F2: variants seen among roughly 807,000 people sequenced by gnomAD.
F2 encodes coagulation factor II, thrombin.
In F2, 34 loss-of-function variants were observed where a neutral mutation model predicts 81.9. The observed-to-expected ratio is 0.42, with a 90% CI of 0.32 to 0.55. The LOEUF is 0.55. Among genes scored for constraint, F2 ranks in the 20% least tolerant of loss-of-function variants. F2 has a pLI of 0.18. For synonymous variants in F2, 296 were observed against 326.4 expected (o/e 0.91, Z 1.01); for missense variants, 630 against 833.4 (o/e 0.76, Z 3.00).
chr11:46,720,556 C>G lies in F2; in HGVS notation c.265+9C>G. On this transcript the variant is annotated intron_variant, in intron 3 of 13. Coordinates refer to ENST00000311907, the MANE Select transcript of F2 (RefSeq NM_000506.5). ...CTGGGCCAAGTACACAGGTGAGCAC[C>G]GGGAAGGATTTGCCCCAGGAAGGGA... 6.2e-7 allele frequency: 1 copy of G among 1,614,038 alleles called. No individual in the cohort carries two copies. The highest frequency in any genetic ancestry group is 8.5e-7 in the Non-Finnish European group (1 of 1,180,000).
In F2 at chr11:46,726,454, G is replaced by A. The variant is rs1187493139; in HGVS notation, c.875-44G>A. The A allele has an allele frequency of 6.3e-7, 1 of 1,599,302 alleles. No homozygotes were observed. Among genetic ancestry groups the A allele is most frequent in the Admixed American group, 1.8e-5 (1 of 56,946 alleles). ...TTGGGGGGATCTAGGGGATGGGTGAGGAATGGCCCAGCCCAGTCCCAGCCG... is the reference window on the plus strand; with the variant it reads ...TTGGGGGGATCTAGGGGATGGGTGAAGAATGGCCCAGCCCAGTCCCAGCCG... On this transcript the variant is annotated intron_variant, in intron 7 of 13. Coordinates refer to ENST00000311907, the MANE Select transcript of F2 (RefSeq NM_000506.5). This position sits in a 1 kb window ranked among gnomAD's most constrained non-coding sequence, Gnocchi z 5.9.
At position 46,719,686 on chromosome 11, in the gene F2, C is replaced by A; in HGVS notation, c.80-16C>A. 1 of 1,580,426 alleles carries A rather than the reference C, an allele frequency of 6.3e-7. No homozygotes were observed. Among genetic ancestry groups the A allele is most frequent in the East Asian group, 2.3e-5 (1 of 43,268 alleles). On this transcript the variant is annotated splice_polypyrimidine_tract_variant and intron_variant, in intron 1 of 13. Transcript: ENST00000311907. This position sits in a 1 kb window ranked among gnomAD's most constrained non-coding sequence, Gnocchi z 4.7. ...TCCTGAGGCCGCTGTCCCATGACCC[C>A]CCCACCGCCTTACAGTGTTCCTGGC...
intron 12 of F2, among the ~76,000 whole-genome samples, chr11:46,732,835 A>G (rs908499309): frequency 2.0e-5 from 3 of 152,092 alleles, no homozygotes; most frequent in Non-Finnish European, 4.4e-5. Flanking sequence ...TCTTTCTGGC[A>G]CAGCAAAATG....
At position 46,726,186 on chromosome 11, in the gene F2, G is replaced by A. The variant is rs764029414; in HGVS notation, c.874+13G>A. On this transcript the variant is annotated intron_variant, in intron 7 of 13. Coordinates refer to ENST00000311907, the MANE Select transcript of F2 (RefSeq NM_000506.5). The surrounding 1 kb of genome is among the most constrained non-coding windows in gnomAD (Gnocchi z 5.9). Reference sequence around the variant, plus strand: ...CTCAACTATTGTGGTGAGCTGCCTGGGTAGGGGGCCTGAGTTGCAGGGACA... The same window carrying A: ...CTCAACTATTGTGGTGAGCTGCCTGAGTAGGGGGCCTGAGTTGCAGGGACA... The A allele has an allele frequency of 6.8e-6, 11 of 1,612,326 alleles. No homozygotes were observed. The South Asian group carries it at 1.1e-4, about 16-fold the overall frequency.
At chr11:46,720,981 T>C in intron 4 of F2, 141 bp downstream of exon 4, 1 of 815,328 alleles carries the variant, frequency 1.2e-6, no homozygotes, top group Admixed American at 2.0e-5. Context: ...GGGGTCAAGA[T>C]GTCTCTTTGT....
Position 46,729,578 on chromosome 11 carries a change from C to G in F2, c.1654+17C>G, listed in dbSNP as rs780011370. ...TCTGTGCTGGCAAGTCTGTGCAGGG[C>G]GGGCTGAGGGAACAGTGGGGCCCAA... On this transcript the variant is annotated intron_variant, in intron 12 of 13. Coordinates refer to ENST00000311907, the MANE Select transcript of F2 (RefSeq NM_000506.5). 1.9e-6 allele frequency: 3 copies of G among 1,605,136 alleles called. No homozygotes were observed. Among genetic ancestry groups the G allele is most frequent in the Non-Finnish European group, 2.6e-6 (3 of 1,172,946 alleles).
At position 46,723,610 on chromosome 11, in the gene F2, C is replaced by T; in HGVS notation, c.559+92C>T. 6.8e-7 allele frequency: 1 copy of T among 1,479,032 alleles called. No individual in the cohort carries two copies. The highest frequency in any genetic ancestry group is 9.2e-7 in the Non-Finnish European group (1 of 1,088,990). The allele number at this position is 1,479,032 out of a possible 1,614,324, so 91.6% of individuals were successfully genotyped here. The stretch of plus-strand genomic sequence containing the variant: ...GGATGGGAACCAAGAATACTGGCTA[C>T]CCAGGCACAGTGGCTCATGCCCGTA... On this transcript the variant is annotated intron_variant, in intron 6 of 13. Coordinates refer to ENST00000311907, the MANE Select transcript of F2 (RefSeq NM_000506.5). This position sits in a 1 kb window ranked among gnomAD's most constrained non-coding sequence, Gnocchi z 5.6.
In F2 at chr11:46,731,924, T is replaced by G. The variant is rs995185156; in HGVS notation, c.1654+2363T>G. 1.8e-4 allele frequency among the ~76,000 whole-genome samples: 27 copies of G among 147,888 alleles called. No homozygotes were observed. In the East Asian group the frequency reaches 3.1e-3, roughly 17 times the overall value. On this transcript the variant is annotated intron_variant, in intron 12 of 13. Coordinates refer to ENST00000311907, the MANE Select transcript of F2 (RefSeq NM_000506.5). ...GAGACACTTTGATGTTTTTTTTTTT[T>G]TTTTTTTTTTGTGATGGAGTCTCCC...
intron 11 of F2, among the ~76,000 whole-genome samples, chr11:46,729,060 G>A (rs1313961768): frequency 1.3e-5 from 2 of 152,072 alleles, no homozygotes; most frequent in East Asian, 1.9e-4. Context: ...GTAGTTGTGC[G>A]ATCTTGGCTC....
At position 46,734,909 on chromosome 11, in the gene F2, T is replaced by C. The variant is rs145771042; in HGVS notation, c.1655-4139T>C. On this transcript the variant is annotated intron_variant, in intron 12 of 13. Transcript: ENST00000311907. ...TTTTCTTCTAGTACCTGATTTCATT[T>C]TTCTGCACTTAGATTCCTGACTCAT... 9.2e-5 allele frequency among the ~76,000 whole-genome samples: 14 copies of C among 152,376 alleles called. No individual in the cohort carries two copies. In the East Asian group the frequency reaches 2.1e-3, roughly 23 times the overall value.
In F2 at chr11:46,728,455, C is replaced by T. The variant is rs1026870297; in HGVS notation, c.1299-209C>T. Among the ~76,000 whole-genome samples, 1 of 152,180 alleles carries T rather than the reference C, an allele frequency of 6.6e-6. No homozygotes were observed. The highest frequency in any genetic ancestry group is 1.5e-5 in the Non-Finnish European group (1 of 68,028). The stretch of plus-strand genomic sequence containing the variant: ...GGGCGTGCAGCCTGTGCCCCTGTCC[C>T]CGTCCTCCAGGCTGTCTGACTCCAA... On this transcript the variant is annotated intron_variant, in intron 10 of 13. Transcript: ENST00000311907. This position sits in a 1 kb window ranked among gnomAD's most constrained non-coding sequence, Gnocchi z 5.1.
intron 12 of F2, among the ~76,000 whole-genome samples, chr11:46,733,723 T>C (rs1157550973): frequency 6.6e-6 from 1 of 152,010 alleles, no homozygotes; most frequent in African/African-American, 2.4e-5. Flanking sequence ...TGAAATTGTT[T>C]TAACGGACAT....
chr11:46,737,935 G>A (rs2064954316), intron 12 of F2, among the ~76,000 whole-genome samples: 1 of 151,632 alleles, frequency 6.6e-6, no homozygotes, highest in South Asian at 2.1e-4. Context: ...CTGGGCTCAA[G>A]CAATCCTCTT....
At chr11:46,731,931 T>G (rs1200811771) in intron 12 of F2, among the ~76,000 whole-genome samples, 1 of 142,788 alleles carries the variant, frequency 7.0e-6, no homozygotes, top group Non-Finnish European at 1.6e-5. Context: ...TTTTTTTTTT[T>G]TTTGTGATGG....
chr11:46,729,629 G>A, intron 12 of F2, 68 bp downstream of exon 12: 1 of 1,565,578 alleles, frequency 6.4e-7, no homozygotes, highest in Non-Finnish European at 8.7e-7. Flanking sequence ...TTGTGCCTGG[G>A]TTCAAGCCAT....
At chr11:46,735,344 G>A (rs1273949626) in intron 12 of F2, among the ~76,000 whole-genome samples, 1 of 152,176 alleles carries the variant, frequency 6.6e-6, no homozygotes, top group African/African-American at 2.4e-5. Flanking sequence ...AGGAGGCTGA[G>A]GCAGGGGAAT....
Position 46,719,937 on chromosome 11 carries a change from G to A in F2, c.240+75G>A. The A allele has an allele frequency of 4.6e-6, 7 of 1,520,810 alleles. No homozygotes were observed. Among genetic ancestry groups the A allele is most frequent in the Non-Finnish European group, 4.4e-6 (5 of 1,131,628 alleles). 94.2% of individuals were successfully genotyped at this position (1,520,810 alleles called of 1,614,324 possible). A position where few individuals can be genotyped will look rare whatever the true frequency, so the allele number is the denominator to read the frequency against. On this transcript the variant is annotated intron_variant, in intron 2 of 13. Transcript: ENST00000311907. The surrounding 1 kb of genome is among the most constrained non-coding windows in gnomAD (Gnocchi z 4.7). Reference sequence around the variant, plus strand: ...TCTAGACACTTCCACAGAGAAGCAAGCGAGGAACGCCACAGCCCCTTCGCT... The same window carrying A: ...TCTAGACACTTCCACAGAGAAGCAAACGAGGAACGCCACAGCCCCTTCGCT...
chr11:46,724,874 G>C (rs540016310), intron 6 of F2, among the ~76,000 whole-genome samples: 2 of 151,714 alleles, frequency 1.3e-5, no homozygotes, highest in South Asian at 4.2e-4. Flanking sequence ...GGGTTCAAGC[G>C]ATTCCCCTGC....
intron 12 of F2, among the ~76,000 whole-genome samples, chr11:46,738,003 AT>A (rs547238970): frequency 5.5e-5 from 8 of 146,764 alleles, no homozygotes; most frequent in South Asian, 2.2e-4. Context: ...TGTCCGGCTA[AT>A]TTTTTTTTTT....
Sources: allele counts gnomAD v4.1 joint callset (sites outside exome capture counted in the v4.1 genomes callset), GRCh38; gene constraint gnomAD v4.1.1; non-coding constraint Gnocchi (gnomAD v3.1); transcripts MANE v1.5; gene names NCBI Gene and HGNC (gene_info 2026-07-23, HGNC 2026-07-21).